The following UVRAG variants were observed in gnomAD, a reference collection of about 807,000 sequenced individuals.
UVRAG encodes UV radiation resistance associated, also known as UV radiation resistance-associated gene protein.
Under a neutral mutation model 78.0 loss-of-function variants are expected in UVRAG, and 19 were observed. That is an observed-to-expected ratio of 0.24 (90% CI 0.17 to 0.36). The LOEUF (loss-of-function observed/expected upper bound fraction) is 0.36. Among genes scored for constraint, UVRAG ranks in the 10% least tolerant of loss-of-function variants. The probability of loss-of-function intolerance (pLI) is 1.00; values close to 1 mark genes in which losing one functional copy is unlikely to be tolerated. For synonymous variants in UVRAG, 323 were observed against 324.6 expected (o/e 1.00, Z 0.05); for missense variants, 740 against 853.8 (o/e 0.87, Z 1.66).
At chr11:76,121,779 C>T (rs1952281664) in intron 14 of UVRAG, among the ~76,000 whole-genome samples, 1 of 152,246 alleles carries the variant, frequency 6.6e-6, no homozygotes, top group Admixed American at 6.5e-5. Flanking sequence ...GCCCCTTCCT[C>T]TGCCCTATCC....
chr11:75,926,619 G>C (rs1356925516), intron 6 of UVRAG, among the ~76,000 whole-genome samples: 1 of 152,148 alleles, frequency 6.6e-6, no homozygotes, highest in East Asian at 1.9e-4. Flanking sequence ...ATATTGTCCA[G>C]ATCAAGAGAA....
rs773312420 is a variant in UVRAG, at chr11:75,989,808, GCAGGGA to G, written c.826+6297_826+6302del. Among the ~76,000 whole-genome samples, 116 of 152,226 alleles carry G rather than the reference GCAGGGA, an allele frequency of 7.6e-4. 1 individual carries two copies. The highest frequency in any genetic ancestry group is 1.4e-3 in the Non-Finnish European group (95 of 68,030). ...CACTTATTTGGTAAGCCCTTTCAGGGCAGGGACTTTGCACTTTTATGGTATCCTTCT... is the reference window on the plus strand; with the variant it reads ...CACTTATTTGGTAAGCCCTTTCAGGGCTTTGCACTTTTATGGTATCCTTCT... On this transcript the variant is annotated intron_variant, in intron 8 of 14. Transcript: ENST00000356136.
At chr11:75,885,760 G>A (rs546005193) in intron 4 of UVRAG, among the ~76,000 whole-genome samples, 3 of 152,212 alleles carry the variant, frequency 2.0e-5, no homozygotes, top group East Asian at 1.9e-4. Flanking sequence ...TTAGCAGTTC[G>A]GAAATGTGCA....
chr11:76,119,575 C>T (rs186281578), intron 14 of UVRAG, among the ~76,000 whole-genome samples: 1 of 152,268 alleles, frequency 6.6e-6, no homozygotes, highest in African/African-American at 2.4e-5. Context: ...CTAATGGGAC[C>T]CTGTCTACCC....
At chr11:75,822,765 T>G (rs1324719616) in intron 1 of UVRAG, among the ~76,000 whole-genome samples, 4 of 151,992 alleles carry the variant, frequency 2.6e-5, no homozygotes, top group African/African-American at 7.3e-5. Flanking sequence ...GCCCAGAGCT[T>G]TCATGCCCTC....
chr11:76,009,857 G>A (rs1372388372), intron 11 of UVRAG, among the ~76,000 whole-genome samples: 2 of 152,160 alleles, frequency 1.3e-5, no homozygotes, highest in East Asian at 3.8e-4. Flanking sequence ...TTGATTGAAT[G>A]AACTATTAAT....
chr11:75,897,972 C>G (rs1047081532), intron 5 of UVRAG, among the ~76,000 whole-genome samples: 1 of 148,668 alleles, frequency 6.7e-6, no homozygotes, highest in South Asian at 2.1e-4. Context: ...TGGGTTCAAG[C>G]AATTCTCTCT....
intron 2 of UVRAG, among the ~76,000 whole-genome samples, chr11:75,856,638 GT>G (rs1231696209): frequency 6.6e-6 from 1 of 152,050 alleles, no homozygotes; most frequent in Admixed American, 6.6e-5. Context: ...GTAGAGCCGA[GT>G]TTTGCCATGT....
At chr11:75,896,095 A>G (rs1947339613) in intron 5 of UVRAG, among the ~76,000 whole-genome samples, 1 of 152,250 alleles carries the variant, frequency 6.6e-6, no homozygotes, top group African/African-American at 2.4e-5. Context: ...TAATGCAGGT[A>G]AGTTATAGCA....
intron 14 of UVRAG, among the ~76,000 whole-genome samples, chr11:76,138,401 C>CG (rs1565176460): frequency 2.6e-5 from 4 of 152,158 alleles, no homozygotes; most frequent in Admixed American, 2.6e-4. Flanking sequence ...TATTGACAGT[C>CG]GGGAAAATGG....
chr11:75,855,834 A>T (rs1946277086), intron 2 of UVRAG, among the ~76,000 whole-genome samples: 1 of 152,154 alleles, frequency 6.6e-6, no homozygotes, highest in Non-Finnish European at 1.5e-5. Flanking sequence ...GATGTGTGAA[A>T]TTTTTTGACT....
chr11:76,016,718 A>G, intron 11 of UVRAG, 97 bp from the exon 12 acceptor site: 1 of 1,119,712 alleles, frequency 8.9e-7, no homozygotes, highest in Non-Finnish European at 1.2e-6. Context: ...TATGTACCAC[A>G]TATTTTTATA....
chr11:75,962,687 T>C (rs1009519200), intron 7 of UVRAG, among the ~76,000 whole-genome samples: 2 of 152,150 alleles, frequency 1.3e-5, no homozygotes, highest in African/African-American at 4.8e-5. Flanking sequence ...TTTCAGACTA[T>C]AAATATATTG....
chr11:75,860,533 C>T (rs12292750), intron 2 of UVRAG, among the ~76,000 whole-genome samples: 6 of 151,780 alleles, frequency 4.0e-5, no homozygotes, highest in African/African-American at 9.7e-5. Context: ...ATGTATGGTG[C>T]GTGTATGTTA....
At chr11:76,108,793 A>G (rs1399469228) in intron 13 of UVRAG, among the ~76,000 whole-genome samples, 2 of 152,154 alleles carry the variant, frequency 1.3e-5, no homozygotes, top group African/African-American at 2.4e-5. Context: ...CGTAAGGATT[A>G]TCTTTTGCTA....
At chr11:76,108,169 A>T (rs1316095891) in intron 13 of UVRAG, among the ~76,000 whole-genome samples, 1 of 152,154 alleles carries the variant, frequency 6.6e-6, no homozygotes, top group African/African-American at 2.4e-5. Flanking sequence ...TGTGTGAATG[A>T]ATACAGTTTG....
At chr11:75,830,588 T>A (rs1397053279) in intron 1 of UVRAG, among the ~76,000 whole-genome samples, 1 of 152,132 alleles carries the variant, frequency 6.6e-6, no homozygotes, top group Non-Finnish European at 1.5e-5. Context: ...TTCTTTAATA[T>A]GGTGTCATAA....
intron 8 of UVRAG, among the ~76,000 whole-genome samples, chr11:75,996,517 C>T (rs545369986): frequency 9.9e-5 from 15 of 152,182 alleles, no homozygotes; most frequent in African/African-American, 3.6e-4. Flanking sequence ...ACAACAGGTA[C>T]AGGAGGTGAC....
intron 1 of UVRAG, among the ~76,000 whole-genome samples, chr11:75,842,051 AC>A: frequency 6.6e-6 from 1 of 152,230 alleles, no homozygotes; most frequent in East Asian, 1.9e-4. Context: ...TGTGGAGAAC[AC>A]CTATGAAGCC....
Sources: allele counts gnomAD v4.1 joint callset (sites outside exome capture counted in the v4.1 genomes callset), GRCh38; gene constraint gnomAD v4.1.1; transcripts MANE v1.5; gene names NCBI Gene and HGNC (gene_info 2026-07-23, HGNC 2026-07-21).